EBF3: variants seen among roughly 807,000 people sequenced by gnomAD.
EBF3 encodes the protein EBF transcription factor 3.
EBF3 carries 18 observed loss-of-function variants against 77.1 expected under a neutral mutation model. That is an observed-to-expected ratio of 0.23 (90% CI 0.16 to 0.35). EBF3 has a LOEUF of 0.35. Among genes scored for constraint, EBF3 ranks in the 10% least tolerant of loss-of-function variants. EBF3 has a pLI of 1.00. For missense variants in EBF3, 558 were observed against 860.0 expected, an observed-to-expected ratio of 0.65 and a Z score of 4.39; for synonymous variants, 350 against 343.5, an observed-to-expected ratio of 1.02 and a Z score of -0.21.
intron 6 of EBF3, among the ~76,000 whole-genome samples, chr10:129,904,027 T>A (rs534381851): frequency 6.6e-6 from 1 of 152,326 alleles, no homozygotes; most frequent in East Asian, 1.9e-4. Context: ...CTGAAGACCA[T>A]GACCCAAGTT....
intron 6 of EBF3, among the ~76,000 whole-genome samples, chr10:129,951,426 C>CTCCA: frequency 6.6e-6 from 1 of 152,380 alleles, no homozygotes; most frequent in East Asian, 1.9e-4. Context: ...CAGCCCTTGC[C>CTCCA]TCCACCCCTG....
At chr10:129,895,600 C>T (rs1036070319) in intron 6 of EBF3, among the ~76,000 whole-genome samples, 3 of 152,186 alleles carry the variant, frequency 2.0e-5, no homozygotes, top group Non-Finnish European at 2.9e-5. Context: ...TCTCAAAATT[C>T]GACAATCAAA....
intron 6 of EBF3, among the ~76,000 whole-genome samples, chr10:129,896,505 C>G (rs985036114): frequency 6.6e-6 from 1 of 152,180 alleles, no homozygotes; most frequent in Non-Finnish European, 1.5e-5. Flanking sequence ...GGGCGGGGGC[C>G]GGCGTGGGCC....
rs1849703316 is a variant in EBF3, at chr10:129,837,834, G to C, written c.*109C>G. ...TTCAATTGCTGCTGATTTTTTTGAA[G>C]ATACTGTTTCCATCAGCATGTCTTA... On this transcript the variant is annotated 3_prime_UTR_variant, in exon 17 of 17. Coordinates refer to ENST00000440978, the MANE Select transcript of EBF3 (RefSeq NM_001375380.1). The C allele has an allele frequency of 1.4e-6, 2 of 1,430,604 alleles. No individual in the cohort carries two copies. The highest frequency in any genetic ancestry group is 2.3e-5 in the East Asian group (1 of 42,940). The allele number at this position is 1,430,604 out of a possible 1,614,324, so 88.6% of individuals were successfully genotyped here.
In EBF3 at chr10:129,938,061, A is replaced by G. The variant is rs1296958307; in HGVS notation, c.554+19197T>C. ...GTTCATTGACATCACATACACAATC[A>G]TACTCCACAACCACGCAAACTGTAA... On this transcript the variant is annotated intron_variant, in intron 6 of 16. Coordinates refer to ENST00000440978, the MANE Select transcript of EBF3 (RefSeq NM_001375380.1). This position sits in a 1 kb window ranked among gnomAD's most constrained non-coding sequence, Gnocchi z 5.1. Among the ~76,000 whole-genome samples the G allele has an allele frequency of 6.6e-6, 1 of 152,136 alleles. No individual in the cohort carries two copies. Among genetic ancestry groups the G allele is most frequent in the Non-Finnish European group, 1.5e-5 (1 of 68,022 alleles).
chr10:129,934,415 G>A (rs138380272), intron 6 of EBF3, among the ~76,000 whole-genome samples: 5 of 152,244 alleles, frequency 3.3e-5, no homozygotes, highest in Non-Finnish European at 7.4e-5. Context: ...CACATAGTAG[G>A]TGCCCAATAA....
intron 6 of EBF3, among the ~76,000 whole-genome samples, chr10:129,937,381 T>G (rs1857435915): frequency 6.6e-6 from 1 of 152,010 alleles, no homozygotes; most frequent in Non-Finnish European, 1.5e-5. Flanking sequence ...ATACGATCCT[T>G]GAGAACAGAG....
At chr10:129,886,089 T>G (rs1853566196) in intron 6 of EBF3, among the ~76,000 whole-genome samples, 1 of 151,310 alleles carries the variant, frequency 6.6e-6, no homozygotes, top group South Asian at 2.1e-4. Flanking sequence ...GGGAAAGATC[T>G]TGTTAATCCT....
intron 5 of EBF3, 63 bp from the exon 6 acceptor site, chr10:129,957,389 T>G: frequency 1.2e-6 from 1 of 842,374 alleles, no homozygotes. Context: ...CCGACTTGTA[T>G]TTTTTTTTTT....
chr10:129,959,159 G>A, intron 4 of EBF3, 152 bp from the exon 5 acceptor site: 2 of 945,472 alleles, frequency 2.1e-6, no homozygotes, highest in Non-Finnish European at 3.1e-6. Flanking sequence ...TCCCGATGGG[G>A]TCACCCTCGG....
chr10:129,960,836 G>A (rs1222960345), intron 4 of EBF3, among the ~76,000 whole-genome samples: 1 of 152,036 alleles, frequency 6.6e-6, no homozygotes, highest in Non-Finnish European at 1.5e-5. Context: ...AGCGATTTCC[G>A]AAAACATTTA....
At chr10:129,866,069 G>A (rs141367641) in intron 10 of EBF3, among the ~76,000 whole-genome samples, 5 of 152,338 alleles carry the variant, frequency 3.3e-5, no homozygotes, top group Middle Eastern at 3.4e-3. Context: ...AAATGTCACA[G>A]CCTTTGGAGT....
At chr10:129,854,333 G>A (rs981210966) in intron 10 of EBF3, among the ~76,000 whole-genome samples, 2 of 152,118 alleles carry the variant, frequency 1.3e-5, no homozygotes, top group Non-Finnish European at 2.9e-5. Context: ...GAACTGATCC[G>A]GGCATGATGA....
At chr10:129,921,240 G>A (rs952362919) in intron 6 of EBF3, among the ~76,000 whole-genome samples, 1 of 152,176 alleles carries the variant, frequency 6.6e-6, no homozygotes, top group African/African-American at 2.4e-5. Context: ...TCTCCAGCTG[G>A]GCACGACTGA....
intron 6 of EBF3, among the ~76,000 whole-genome samples, chr10:129,887,050 T>TGGGTG (rs1853639587): frequency 2.2e-3 from 8 of 3,614 alleles, no homozygotes; most frequent in African/African-American, 7.5e-3. Context: ...GTGGGGGTTG[T>TGGGTG]GGGCGGGGGG....
intron 6 of EBF3, among the ~76,000 whole-genome samples, chr10:129,949,250 G>A (rs774432281): frequency 2.6e-5 from 4 of 152,186 alleles, no homozygotes; most frequent in African/African-American, 9.7e-5. Context: ...GCGGTGAGCC[G>A]AGATCGTGCC....
chr10:129,937,133 A>T (rs1215091849), intron 6 of EBF3, among the ~76,000 whole-genome samples: 1 of 152,190 alleles, frequency 6.6e-6, no homozygotes, highest in African/African-American at 2.4e-5. Context: ...TGAAAGTGGG[A>T]CAGCAATCGT....
intron 10 of EBF3, among the ~76,000 whole-genome samples, chr10:129,857,888 T>C (rs527841744): frequency 6.6e-6 from 1 of 152,300 alleles, no homozygotes; most frequent in Non-Finnish European, 1.5e-5. Context: ...TTCCAAACCA[T>C]GTTGATGGCG....
In EBF3 at chr10:129,964,114, G is replaced by A. The variant is rs1002132600; in HGVS notation, c.-346C>T. ...CGTCCGCGGCTGCAGGACACTGCGGGATCGCCCGCTTCTGGCGCGGCCCGC... is the reference window on the plus strand; with the variant it reads ...CGTCCGCGGCTGCAGGACACTGCGGAATCGCCCGCTTCTGGCGCGGCCCGC... On this transcript the variant is annotated 5_prime_UTR_variant, in exon 1 of 17. Transcript: ENST00000440978. This position sits in a 1 kb window ranked among gnomAD's most constrained non-coding sequence, Gnocchi z 4.5. The A allele has an allele frequency of 1.0e-6, 1 of 985,070 alleles. No individual in the cohort carries two copies. 61.0% of individuals were successfully genotyped at this position (985,070 alleles called of 1,614,324 possible).
Sources: gnomAD v4.1 joint callset for allele counts (sites outside exome capture counted in the v4.1 genomes callset) on GRCh38, gnomAD v4.1.1 for gene constraint, Gnocchi (gnomAD v3.1) non-coding constraint, MANE v1.5 for transcripts, NCBI Gene and HGNC (gene_info 2026-07-23, HGNC 2026-07-21) for gene names.